Variants in ABCA10 observed in about 807,000 individuals in gnomAD.
ABCA10 encodes the protein ATP binding cassette subfamily A member 10.
A neutral mutation model predicts 187.5 loss-of-function variants in ABCA10; 169 were observed. The observed-to-expected ratio is 0.90, with a 90% confidence interval of 0.80 to 1.02. The LOEUF is 1.02. Among genes scored for constraint, ABCA10 ranks in the 50% least tolerant of loss-of-function variants. ABCA10 has a pLI of 0.00. For synonymous variants in ABCA10, 574 were observed against 601.8 expected, an observed-to-expected ratio of 0.95 and a Z score of 0.68; for missense variants, 1,727 against 1,812.4, an observed-to-expected ratio of 0.95 and a Z score of 0.86.
intron 16 of ABCA10, 73 bp downstream of exon 16, chr17:69,192,490 C>G (rs2074468103): frequency 7.5e-7 from 1 of 1,334,686 alleles, no homozygotes; most frequent in Admixed American, 2.2e-5. Flanking sequence ...TCTTATATTT[C>G]TAAAGGCTTC....
rs763771333 is a variant in ABCA10 at position 69,191,130 on chromosome 17, A to G, written c.2011+46T>C. 2.1e-6 allele frequency: 3 copies of G among 1,452,614 alleles called. No individual in the cohort carries two copies. The African/African-American group carries it at 4.3e-5, about 21-fold the overall frequency. 90.0% of individuals were successfully genotyped at this position (1,452,614 alleles called of 1,614,324 possible). A position where few individuals can be genotyped will look rare whatever the true frequency, so the allele number is the denominator to read the frequency against. ...AACAACAGAAAATGCAGTCAGCACA[A>G]TCGTGAACACTTACATATATTCTAT... On this transcript the variant is annotated intron_variant, in intron 17 of 38. Transcript: ENST00000690296.
At chr17:69,177,473 T>G (rs1192495822) in intron 22 of ABCA10, among the ~76,000 whole-genome samples, 1 of 152,110 alleles carries the variant, frequency 6.6e-6, no homozygotes, top group Non-Finnish European at 1.5e-5. Context: ...ACACAGAAGG[T>G]CAGAGCTAAC....
At chr17:69,152,633 A>T in intron 34 of ABCA10, 152 bp from the exon 35 acceptor site, 4 of 1,145,250 alleles carry the variant, frequency 3.5e-6, no homozygotes, top group Non-Finnish European at 4.7e-6. Context: ...AAAAAAATTT[A>T]AAAATTAGCC....
intron 18 of ABCA10, among the ~76,000 whole-genome samples, chr17:69,188,356 T>C (rs1002525724): frequency 1.3e-5 from 2 of 152,028 alleles, no homozygotes; most frequent in Non-Finnish European, 2.9e-5. Context: ...GTCCCACATA[T>C]ACCACACATT....
At chr17:69,196,110 GC>G (rs762866514) in intron 11 of ABCA10, 6 of 163,198 alleles carry the variant, frequency 3.7e-5, no homozygotes, top group East Asian at 3.6e-4. Context: ...GGGCAGAGGG[GC>G]CCCCCACCTC....
At position 69,162,828 on chromosome 17, in the gene ABCA10, T is replaced by TACATATACACATACATATACAC. The variant is rs1203100537; in HGVS notation, c.3363+1245_3363+1246insGTGTATATGTATGTGTATATGT. On this transcript the variant is annotated intron_variant, in intron 27 of 38. Transcript: ENST00000690296. The stretch of plus-strand genomic sequence containing the variant: ...TTACATATATACATATACATATACA[T>TACATATACACATACATATACAC]ATACATATACATATATATATATATA... Among the ~76,000 whole-genome samples the TACATATACACATACATATACAC allele has an allele frequency of 1.4e-3, 115 of 81,182 alleles. 1 individual carries two copies. Among genetic ancestry groups the TACATATACACATACATATACAC allele is most frequent in the African/African-American group, 4.0e-3 (111 of 28,100 alleles). 53.3% of individuals were successfully genotyped at this position (81,182 alleles called of 152,430 possible).
intron 3 of ABCA10, among the ~76,000 whole-genome samples, chr17:69,224,997 A>C (rs1210015036): frequency 2.6e-5 from 4 of 152,144 alleles, no homozygotes; most frequent in Non-Finnish European, 4.4e-5. Flanking sequence ...CCAAATATAA[A>C]GTTTTTTAAG....
chr17:69,182,700 G>A lies in ABCA10; in HGVS notation c.2606C>T (p.Ala869Val). ...CTTCTGGTCACCAGACACTATGATG[G>A]CTCCATTGTAGGAGGGATCATCTGA... Reference protein sequence around the residue: ...NGSDDPSYNGAIIVSGDQKDY... With the variant: ...NGSDDPSYNGVIIVSGDQKDY... The change falls in exon 21 of 39, where the codon GCC becomes GTC. Residue 869 changes from alanine (A) to valine (V), a missense_variant. By Grantham distance (64) the Ala-to-Val change is moderately conservative (BLOSUM62 0). Coordinates refer to ENST00000690296, the MANE Select transcript of ABCA10 (RefSeq NM_001377321.1). 1 of 1,607,898 alleles carries A rather than the reference G, an allele frequency of 6.2e-7. No individual in the cohort carries two copies. Among genetic ancestry groups the A allele is most frequent in the Non-Finnish European group, 8.5e-7 (1 of 1,177,906 alleles).
intron 27 of ABCA10, among the ~76,000 whole-genome samples, chr17:69,162,887 G>A (rs1568051592): frequency 1.4e-5 from 2 of 138,174 alleles, no homozygotes; most frequent in East Asian, 4.1e-4. Context: ...TGCCCAGGCT[G>A]GAGTGCAATG....
In ABCA10 at chr17:69,223,780, T is replaced by G. The variant is rs73361956; in HGVS notation, c.35-1083A>C. 775 of 361,872 alleles carry G rather than the reference T, an allele frequency of 2.1e-3. 12 individuals are homozygous for G. The highest frequency in any genetic ancestry group is 0.016 in the African/African-American group (720 of 45,414). 22.4% of individuals were successfully genotyped at this position (361,872 alleles called of 1,614,324 possible). On this transcript the variant is annotated intron_variant, in intron 3 of 38. Transcript: ENST00000690296. ...TGCTAAAAAGCAAGAGTTAGATAAATGTAGAATAAGACAGTGAGAGAGGAG... is the reference window on the plus strand; with the variant it reads ...TGCTAAAAAGCAAGAGTTAGATAAAGGTAGAATAAGACAGTGAGAGAGGAG...
chr17:69,224,356 A>G (rs1011392171), intron 3 of ABCA10, among the ~76,000 whole-genome samples: 17 of 152,174 alleles, frequency 1.1e-4, no homozygotes, highest in African/African-American at 4.1e-4. Flanking sequence ...GAAATGGCCA[A>G]TGTTCAGAAC....
At chr17:69,193,693 A>AC (rs1442486330) in intron 13 of ABCA10, 81 bp from the exon 14 acceptor site, 1 of 1,545,078 alleles carries the variant, frequency 6.5e-7, no homozygotes, top group Non-Finnish European at 8.8e-7. Context: ...AAAAGGATTT[A>AC]GTCTAGAACT....
intron 35 of ABCA10, 42 bp downstream of exon 35, chr17:69,152,320 T>G: frequency 1.3e-6 from 2 of 1,593,630 alleles, no homozygotes; most frequent in Non-Finnish European, 1.7e-6. Flanking sequence ...ACTCTCTCTA[T>G]AAGAACATGC....
chr17:69,193,696 C>G, intron 13 of ABCA10, 84 bp from the exon 14 acceptor site: 1 of 1,548,852 alleles, frequency 6.5e-7, no homozygotes, highest in South Asian at 1.2e-5. Context: ...AGGATTTAGT[C>G]TAGAACTTCG....
intron 9 of ABCA10, among the ~76,000 whole-genome samples, chr17:69,203,901 T>C (rs980171906): frequency 2.0e-5 from 3 of 152,236 alleles, no homozygotes; most frequent in Admixed American, 6.5e-5. Context: ...GATCTCACAA[T>C]AGAGAAGACA....
intron 9 of ABCA10, among the ~76,000 whole-genome samples, chr17:69,206,478 G>T (rs539801516): frequency 6.6e-6 from 1 of 152,272 alleles, no homozygotes; most frequent in African/African-American, 2.4e-5. Flanking sequence ...TCAGAAGCAA[G>T]AAAAGATGCA....
intron 27 of ABCA10, among the ~76,000 whole-genome samples, chr17:69,157,146 A>T (rs1319604715): frequency 6.6e-6 from 1 of 152,156 alleles, no homozygotes; most frequent in African/African-American, 2.4e-5. Context: ...GCCCACATTA[A>T]TTTTTTTAAA....
At chr17:69,186,508 C>T (rs537265789) in intron 19 of ABCA10, among the ~76,000 whole-genome samples, 4 of 152,268 alleles carry the variant, frequency 2.6e-5, no homozygotes, top group East Asian at 1.9e-4. Context: ...ACTTTCTTCC[C>T]GACTTCACAT....
intron 7 of ABCA10, 55 bp from the exon 8 acceptor site, chr17:69,216,055 G>C: frequency 3.8e-6 from 6 of 1,568,948 alleles, no homozygotes; most frequent in Non-Finnish European, 5.2e-6. Context: ...TTCATAAATA[G>C]CAATATTCAT....
Sources: gnomAD v4.1 joint callset for allele counts (sites outside exome capture counted in the v4.1 genomes callset) on GRCh38, gnomAD v4.1.1 for gene constraint, MANE v1.5 for transcripts, NCBI Gene and HGNC (gene_info 2026-07-23, HGNC 2026-07-21) for gene names.